The following CMIP variants were observed in gnomAD, a reference collection of about 807,000 sequenced individuals.
The protein encoded by CMIP is C-Maf-inducing protein.
A neutral mutation model predicts 97.3 loss-of-function variants in CMIP; 13 were observed. The ratio of observed to expected loss-of-function variants is 0.13; its 90% confidence interval spans 0.09 to 0.21. The LOEUF (loss-of-function observed/expected upper bound fraction) is 0.21, where lower values mean the gene tolerates loss of function less well. Among genes scored for constraint, CMIP ranks in the 10% least tolerant of loss-of-function variants. CMIP has a pLI of 1.00. For missense variants in CMIP, 847 were observed against 1,024.9 expected (o/e 0.83, Z 2.37); for synonymous variants, 538 against 436.3 (o/e 1.23, Z -2.91).
At position 81,678,368 on chromosome 16, in the gene CMIP, C is replaced by A. The variant is rs370511292; in HGVS notation, c.1128C>A (p.Pro376=). Residue 376 remains proline (P), a synonymous_variant, in exon 10 of 21, where the codon CCC becomes CCA. Transcript: ENST00000537098. ...CTTTACCTCTGCGCCTTCTGCACCC[C>A]AGCCCGGACCTGGTGTCTCAGGAAG... ...KPTLPLRLLH[P]SPDLVSQEAT... is the part of the protein sequence containing the mutation. 2.5e-5 allele frequency: 40 copies of A among 1,612,786 alleles called. No homozygotes were observed. Among genetic ancestry groups the A allele is most frequent in the Non-Finnish European group, 3.4e-5 (40 of 1,179,516 alleles).
rs1003066388 is a variant in CMIP, at chr16:81,693,445, G to C, written c.1488G>C (p.Leu496=). 4 of 1,612,350 alleles carry C rather than the reference G, an allele frequency of 2.5e-6. No individual in the cohort carries two copies. In the Admixed American group the frequency reaches 6.7e-5, roughly 27 times the overall value. Residue 496 remains leucine (L), a synonymous_variant, in exon 13 of 21, where the codon CTG becomes CTC. Transcript: ENST00000537098. ...ALAHEKFTKE[L]KYVIQRFAED... ...GCCGCCTCGTCTCTTCCAGGGAACT[G>C]AAGTACGTGATTCAGAGGTTCGCCG...
chr16:81,495,059 G>A (rs569128702), intron 1 of CMIP, among the ~76,000 whole-genome samples: 2 of 152,256 alleles, frequency 1.3e-5, no homozygotes, highest in East Asian at 1.9e-4. Flanking sequence ...TAAGGCTTTG[G>A]GCACATTAGG....
intron 1 of CMIP, chr16:81,517,994 G>C: frequency 1.3e-6 from 1 of 779,906 alleles, no homozygotes; most frequent in Non-Finnish European, 1.6e-6. Context: ...AGTAAGTGAC[G>C]GGGGTCCCTT....
chr16:81,525,529 T>C (rs1225982615), intron 1 of CMIP, among the ~76,000 whole-genome samples: 1 of 152,236 alleles, frequency 6.6e-6, no homozygotes, highest in African/African-American at 2.4e-5. Flanking sequence ...AAAAACATTT[T>C]TTTTAAGAGA....
intron 1 of CMIP, among the ~76,000 whole-genome samples, chr16:81,495,883 C>T (rs929870974): frequency 1.3e-5 from 2 of 152,220 alleles, no homozygotes; most frequent in East Asian, 3.8e-4. Flanking sequence ...AGCTGTCAGT[C>T]CTCAGCCTCC....
intron 20 of CMIP, among the ~76,000 whole-genome samples, chr16:81,707,329 G>A (rs1162348242): frequency 6.6e-6 from 1 of 152,226 alleles, no homozygotes; most frequent in African/African-American, 2.4e-5. Flanking sequence ...GAGGCCGCAG[G>A]AGCTGAGACC....
intron 1 of CMIP, among the ~76,000 whole-genome samples, chr16:81,573,295 G>T (rs539678431): frequency 6.6e-6 from 1 of 151,362 alleles, no homozygotes; most frequent in South Asian, 2.1e-4. Flanking sequence ...AGTGAGCCGA[G>T]ATCGCGTCAC....
chr16:81,592,619 G>A (rs1488137449), intron 1 of CMIP, among the ~76,000 whole-genome samples: 1 of 152,238 alleles, frequency 6.6e-6, no homozygotes, highest in Non-Finnish European at 1.5e-5. Context: ...GCCAGTGTCT[G>A]GTAGAAGCAA....
chr16:81,678,676 C>T lies in CMIP; in HGVS notation c.1388+48C>T. ...CGCCCCCGGGGCCGGTGGGAGGAGA[C>T]TGGGCTTTGCTGCTGGGTGCGGCTG... On this transcript the variant is annotated intron_variant, in intron 10 of 20. Coordinates refer to ENST00000537098, the MANE Select transcript of CMIP (RefSeq NM_198390.3). The T allele has an allele frequency of 2.4e-6, 2 of 846,690 alleles. 1 individual carries two copies. 52.4% of individuals were successfully genotyped at this position (846,690 alleles called of 1,614,324 possible).
intron 3 of CMIP, among the ~76,000 whole-genome samples, chr16:81,641,260 A>G (rs893118596): frequency 2.0e-5 from 3 of 151,924 alleles, no homozygotes; most frequent in African/African-American, 7.3e-5. Flanking sequence ...CTTCAGTGCC[A>G]TTTTCATTCT....
intron 1 of CMIP, among the ~76,000 whole-genome samples, chr16:81,546,958 C>T (rs1160400755): frequency 1.3e-5 from 2 of 152,174 alleles, no homozygotes; most frequent in Non-Finnish European, 2.9e-5. Context: ...ATCGCGAGAG[C>T]TCCCTGGATG....
chr16:81,626,357 CTGTT>C lies in CMIP; in HGVS notation c.477+5433_477+5436del, dbSNP rs372488261. On this transcript the variant is annotated intron_variant, in intron 3 of 20. Coordinates refer to ENST00000537098, the MANE Select transcript of CMIP (RefSeq NM_198390.3). ...TGTCTGTGTGTGGTGTGTGAGGTGA[CTGTT>C]TTGAGTATGTGTGGTGACTATTTTA... Among the ~76,000 whole-genome samples, 553 of 148,816 alleles carry C rather than the reference CTGTT, an allele frequency of 3.7e-3. 4 individuals carry two copies. Among genetic ancestry groups the C allele is most frequent in the African/African-American group, 0.013 (532 of 40,228 alleles).
In CMIP at chr16:81,709,877, C is replaced by A; in HGVS notation, c.*78C>A. The A allele has an allele frequency of 7.9e-7, 1 of 1,264,212 alleles. No individual in the cohort carries two copies. The highest frequency in any genetic ancestry group is 1.2e-5 in the South Asian group (1 of 82,400). The allele number at this position is 1,264,212 out of a possible 1,614,324, so 78.3% of individuals were successfully genotyped here. Reference sequence around the variant, plus strand: ...GACTAACAGCCGCAGAGCAGCCGGTCCTGGGGTCCCACCCTGGTGCCCTGG... The same window carrying A: ...GACTAACAGCCGCAGAGCAGCCGGTACTGGGGTCCCACCCTGGTGCCCTGG... On this transcript the variant is annotated 3_prime_UTR_variant, in exon 21 of 21. Transcript: ENST00000537098.
chr16:81,533,225 T>G (rs1435797799), intron 1 of CMIP, among the ~76,000 whole-genome samples: 1 of 152,172 alleles, frequency 6.6e-6, no homozygotes, highest in Non-Finnish European at 1.5e-5. Context: ...AAGGCAGGGG[T>G]TTGCCTGTTT....
chr16:81,506,686 G>C (rs760925418), intron 1 of CMIP, among the ~76,000 whole-genome samples: 7 of 152,206 alleles, frequency 4.6e-5, no homozygotes, highest in Non-Finnish European at 1.0e-4. Context: ...AGGCCAAGGC[G>C]GGCGGATCAC....
At chr16:81,620,701 T>G in intron 2 of CMIP, 175 bp from the exon 3 acceptor site, 2 of 636,954 alleles carry the variant, frequency 3.1e-6, no homozygotes, top group Non-Finnish European at 2.7e-6. Flanking sequence ...AGCCCTTCTG[T>G]TTTGGTTTTG....
chr16:81,704,989 A>G (rs1168782190), intron 18 of CMIP, among the ~76,000 whole-genome samples: 3 of 151,972 alleles, frequency 2.0e-5, no homozygotes, highest in Non-Finnish European at 4.4e-5. Flanking sequence ...TTATAGTAAC[A>G]CCAGTGGCTG....
intron 20 of CMIP, 60 bp from the exon 21 acceptor site, chr16:81,709,686 C>G (rs886404459): frequency 1.3e-6 from 2 of 1,593,558 alleles, no homozygotes; most frequent in African/African-American, 1.3e-5. Flanking sequence ...GAGCCAGGCA[C>G]TGGCAGCTTC....
intron 14 of CMIP, among the ~76,000 whole-genome samples, chr16:81,699,242 C>T (rs1390586221): frequency 1.3e-5 from 2 of 151,876 alleles, no homozygotes; most frequent in African/African-American, 2.4e-5. Context: ...GACAATAGAG[C>T]GAGACTCCAT....
Sources: gnomAD v4.1 joint callset for allele counts (sites outside exome capture counted in the v4.1 genomes callset) on GRCh38, gnomAD v4.1.1 for gene constraint, MANE v1.5 for transcripts, NCBI Gene and HGNC (gene_info 2026-07-23, HGNC 2026-07-21) for gene names.